Variants in AKR1C4 observed in about 807,000 individuals in gnomAD.
AKR1C4 encodes aldo-keto reductase family 1 member C4.
AKR1C4 carries 44 observed loss-of-function variants against 41.0 expected under a neutral mutation model. The observed-to-expected ratio is 1.07, with a 90% CI of 0.84 to 1.38. The LOEUF (loss-of-function observed/expected upper bound fraction) is 1.38. Ranked by LOEUF, AKR1C4 falls within the 40% of genes most tolerant of loss-of-function variation. The pLI is 0.00. For missense variants in AKR1C4, 438 were observed against 387.9 expected (o/e 1.13, Z -1.09); for synonymous variants, 165 against 137.7 (o/e 1.20, Z -1.39).
chr10:5,204,747 C>G (rs1460504369), intron 3 of AKR1C4: 13 of 568,470 alleles, frequency 2.3e-5, no homozygotes, highest in Non-Finnish European at 6.6e-6. Context: ...ACCTTCAAGG[C>G]TCTGTCTTAA....
chr10:5,209,412 T>A (rs543981594), intron 5 of AKR1C4, among the ~76,000 whole-genome samples: 15 of 152,232 alleles, frequency 9.9e-5, no homozygotes, highest in East Asian at 3.9e-4. Context: ...TATAAAAAAA[T>A]TTTTTTCACA....
At chr10:5,213,203 C>A (rs1159328011) in intron 7 of AKR1C4, 44 bp downstream of exon 7, 1 of 1,602,706 alleles carries the variant, frequency 6.2e-7, no homozygotes, top group Non-Finnish European at 8.5e-7. Context: ...CAGTGTCCTT[C>A]ACACGTGTGC....
Position 5,206,356 on chromosome 10 carries a change from C to T in AKR1C4, c.529C>T (p.Leu177Phe), listed in dbSNP as rs782503904. 1.2e-6 allele frequency: 2 copies of T among 1,614,036 alleles called. No homozygotes were observed. Among genetic ancestry groups the T allele is most frequent in the Non-Finnish European group, 1.7e-6 (2 of 1,179,978 alleles). The change falls in exon 5 of 9, where the codon CTC becomes TTC. Residue 177 changes from leucine to phenylalanine, a missense_variant. Coordinates refer to ENST00000263126, the MANE Select transcript of AKR1C4 (RefSeq NM_001818.5). Reference protein sequence around the residue: ...NFNCRQLEMILNKPGLKYKPV... With the variant: ...NFNCRQLEMIFNKPGLKYKPV... The stretch of plus-strand genomic sequence containing the variant: ...CAACTGCAGGCAGCTGGAGATGATC[C>T]TCAACAAGCCAGGACTCAAGTACAA...
intron 5 of AKR1C4, chr10:5,207,332 T>G (rs1312243053): frequency 1.4e-5 from 4 of 295,968 alleles, no homozygotes; most frequent in African/African-American, 2.3e-5. Flanking sequence ...GATTTAACAC[T>G]GAAAAGATTA....
intron 3 of AKR1C4, among the ~76,000 whole-genome samples, chr10:5,205,076 G>T (rs1485228414): frequency 6.6e-6 from 1 of 152,124 alleles, no homozygotes; most frequent in Non-Finnish European, 1.5e-5. Flanking sequence ...ATTTAAAAAA[G>T]AGTTTATTGC....
intron 2 of AKR1C4, 139 bp from the exon 3 acceptor site, chr10:5,204,238 T>C (rs1554797223): frequency 1.5e-6 from 1 of 670,448 alleles, no homozygotes; most frequent in Non-Finnish European, 2.6e-6. Context: ...AGGTAGGTCA[T>C]ATCAAAATAA....
intron 2 of AKR1C4, among the ~76,000 whole-genome samples, chr10:5,203,887 T>G (rs573480595): frequency 1.3e-5 from 2 of 152,304 alleles, no homozygotes; most frequent in Non-Finnish European, 2.9e-5. Context: ...TTATTCTGAA[T>G]CTCAATTGTC....
In AKR1C4 at chr10:5,218,896, T is replaced by C. The variant is rs17307359; in HGVS notation, c.*136T>C. On this transcript the variant is annotated 3_prime_UTR_variant, in exon 9 of 9. Transcript: ENST00000263126. ...CTCCTGCTTGGCAACTTCAGCTAGC[T>C]AGATATATCCATGGTCCAGAAAGCA... The C allele has an allele frequency of 0.067, 44,467 of 658,908 alleles. 1,889 individuals are homozygous for C. The highest frequency in any genetic ancestry group is 0.1 in the Admixed American group (3,794 of 37,878). The allele number at this position is 658,908 out of a possible 1,614,324, so 40.8% of individuals were successfully genotyped here.
intron 5 of AKR1C4, among the ~76,000 whole-genome samples, chr10:5,208,822 T>C (rs891475411): frequency 2.0e-5 from 3 of 151,020 alleles, no homozygotes; most frequent in Non-Finnish European, 4.4e-5. Context: ...CCTGAAATTA[T>C]ACCTAATAAA....
chr10:5,213,965 G>A (rs1021211089), intron 7 of AKR1C4, among the ~76,000 whole-genome samples: 14 of 151,816 alleles, frequency 9.2e-5, no homozygotes, highest in South Asian at 2.1e-4. Context: ...ACATTTTCTC[G>A]TGGTTGCTAA....
Position 5,206,202 on chromosome 10 carries a change from C to T in AKR1C4, c.448-73C>T, listed in dbSNP as rs375161524. 5.6e-6 allele frequency: 9 copies of T among 1,601,048 alleles called. No homozygotes were observed. In the African/African-American group the frequency reaches 1.1e-4, roughly 19 times the overall value. ...CATATCTTAACAGTTGTTGCTTTAA[C>T]AGTTCTGTCTTGCATTTATCATAAT... is the stretch of plus-strand genomic sequence containing the variant. On this transcript the variant is annotated intron_variant, in intron 4 of 8. Transcript: ENST00000263126.
At position 5,200,339 on chromosome 10, in the gene AKR1C4, C is replaced by T; in HGVS notation, c.243C>T (p.Tyr81=). The change falls in exon 2 of 9, where the codon TAC becomes TAT. Residue 81 remains tyrosine (Y), a synonymous_variant. Coordinates refer to ENST00000263126, the MANE Select transcript of AKR1C4 (RefSeq NM_001818.5). ...GTGTGAAGAGAGAAGACATATTCTA[C>T]ACTTCAAAGGTACTGTGCCTATGAT... ...DGSVKREDIF[Y]TSKLWCTFFQ... is the part of the protein sequence containing the mutation. 4 of 1,613,216 alleles carry T rather than the reference C, an allele frequency of 2.5e-6. No homozygotes were observed. Among genetic ancestry groups the T allele is most frequent in the Non-Finnish European group, 2.5e-6 (3 of 1,179,450 alleles).
intron 7 of AKR1C4, among the ~76,000 whole-genome samples, chr10:5,214,074 AAT>A (rs1270185414): frequency 2.0e-5 from 3 of 151,950 alleles, no homozygotes; most frequent in Admixed American, 2.0e-4. Context: ...ATTGTCTATT[AAT>A]ATCTTATAAA....
chr10:5,210,100 T>C (rs1406209859), intron 5 of AKR1C4, among the ~76,000 whole-genome samples: 2 of 152,140 alleles, frequency 1.3e-5, no homozygotes, highest in African/African-American at 2.4e-5. Flanking sequence ...AGCTGTTTCA[T>C]GTGGGAGAAA....
At chr10:5,207,770 T>C (rs1832511722) in intron 5 of AKR1C4, 1 of 376,810 alleles carries the variant, frequency 2.7e-6, no homozygotes. Context: ...TTTCTATATA[T>C]GTAGAATAGA....
rs140478878 is a variant in AKR1C4 at position 5,214,036 on chromosome 10, A to C, written c.846+877A>C. 8.4e-3 allele frequency among the ~76,000 whole-genome samples: 1,273 copies of C among 151,918 alleles called. 17 individuals carry two copies. Among genetic ancestry groups the C allele is most frequent in the African/African-American group, 0.028 (1,176 of 41,514 alleles). ...ATGTTAATATATTATATAGTAAAAT[A>C]TTATGTAGTAATACAAAGTAATATA... On this transcript the variant is annotated intron_variant, in intron 7 of 8. Coordinates refer to ENST00000263126, the MANE Select transcript of AKR1C4 (RefSeq NM_001818.5).
At chr10:5,202,939 T>TTGTGTGTGTGTGTGTGTGTGTG (rs57414547) in intron 2 of AKR1C4, among the ~76,000 whole-genome samples, 2 of 139,190 alleles carry the variant, frequency 1.4e-5, no homozygotes, top group African/African-American at 5.6e-5. Context: ...TAGTTTTCTT[T>TTGTGTGTGTGTGTGTGTGTGTG]TGTGTGTGTG....
intron 5 of AKR1C4, among the ~76,000 whole-genome samples, chr10:5,207,960 A>G (rs1293155566): frequency 6.8e-6 from 1 of 146,632 alleles, no homozygotes; most frequent in African/African-American, 2.8e-5. Flanking sequence ...TAGCCCACAA[A>G]TATTTTGGTA....
intron 5 of AKR1C4, among the ~76,000 whole-genome samples, chr10:5,210,945 GCTCA>G (rs1327586113): frequency 6.6e-6 from 1 of 152,176 alleles, no homozygotes; most frequent in East Asian, 1.9e-4. Context: ...GCACACATAG[GCTCA>G]CTACCACATA....
Sources: gnomAD v4.1 joint callset for allele counts (sites outside exome capture counted in the v4.1 genomes callset) on GRCh38, gnomAD v4.1.1 for gene constraint, MANE v1.5 for transcripts, NCBI Gene and HGNC (gene_info 2026-07-23, HGNC 2026-07-21) for gene names.